TRABD2B: variants seen among roughly 807,000 people sequenced by gnomAD.
The protein encoded by TRABD2B is metalloprotease TIKI2.
In TRABD2B, 14 loss-of-function variants were observed where a neutral mutation model predicts 40.1. The observed-to-expected ratio is 0.35, with a 90% CI of 0.23 to 0.55. The LOEUF is 0.55. TRABD2B is among the 20% of genes least tolerant of loss of function. TRABD2B has a pLI of 0.90. For missense variants in TRABD2B, 541 were observed against 648.6 expected (o/e 0.83, Z 1.80); for synonymous variants, 263 against 277.0 (o/e 0.95, Z 0.50).
At chr1:47,946,962 A>G (rs1158861560) in intron 2 of TRABD2B, among the ~76,000 whole-genome samples, 2 of 151,946 alleles carry the variant, frequency 1.3e-5, no homozygotes, top group African/African-American at 4.8e-5. Context: ...ATGGAGGTAA[A>G]GAGAAATAAT....
At chr1:47,893,002 C>A (rs1334017406) in intron 2 of TRABD2B, among the ~76,000 whole-genome samples, 2 of 152,108 alleles carry the variant, frequency 1.3e-5, no homozygotes. Flanking sequence ...ATACACATTA[C>A]AGAAGTACAT....
chr1:47,794,434 C>T (rs944606243), intron 4 of TRABD2B, among the ~76,000 whole-genome samples, 152 bp downstream of exon 4: 1 of 152,194 alleles, frequency 6.6e-6, no homozygotes, highest in African/African-American at 2.4e-5. Context: ...AGGAGAACTG[C>T]CTTGGATCTC....
intron 2 of TRABD2B, among the ~76,000 whole-genome samples, chr1:47,993,670 C>A (rs1646045511): frequency 6.6e-6 from 1 of 152,212 alleles, no homozygotes; most frequent in South Asian, 2.1e-4. Context: ...CCTCCAGGGC[C>A]TCAGGAAGGC....
At chr1:47,832,114 C>G (rs550496631) in intron 2 of TRABD2B, among the ~76,000 whole-genome samples, 1 of 152,140 alleles carries the variant, frequency 6.6e-6, no homozygotes, top group South Asian at 2.1e-4. Context: ...GCGCGGATCA[C>G]GAGGTCAGGA....
chr1:47,923,956 AC>A, intron 2 of TRABD2B, among the ~76,000 whole-genome samples: 3 of 138,702 alleles, frequency 2.2e-5, no homozygotes, highest in South Asian at 2.3e-4. Flanking sequence ...ACACACACAC[AC>A]ACACACACAC....
intron 2 of TRABD2B, among the ~76,000 whole-genome samples, chr1:47,812,999 G>A (rs1443170444): frequency 3.3e-5 from 5 of 152,164 alleles, no homozygotes; most frequent in East Asian, 1.9e-4. Context: ...TGGTCTACAC[G>A]GGAGGCGATC....
chr1:47,990,771 TTATATATATATATATATATATATATA>T (rs55649435), intron 2 of TRABD2B, among the ~76,000 whole-genome samples: 721 of 36,580 alleles, frequency 0.02, 33 homozygotes, highest in African/African-American at 0.031. Flanking sequence ...AACGTTGGTT[TTATATATATATATATATATATATATA>T]TATATATATA....
chr1:47,781,376 G>A (rs902009939), intron 4 of TRABD2B, among the ~76,000 whole-genome samples: 12 of 152,170 alleles, frequency 7.9e-5, no homozygotes, highest in Non-Finnish European at 1.3e-4. Context: ...ACTGCTGCGC[G>A]GCTGCTCCAA....
chr1:47,815,901 A>T (rs1166326424), intron 2 of TRABD2B, among the ~76,000 whole-genome samples: 2 of 152,214 alleles, frequency 1.3e-5, no homozygotes, highest in African/African-American at 4.8e-5. Flanking sequence ...CCAGCCATCA[A>T]GAGACCCAAC....
At chr1:47,915,905 G>A (rs1045906846) in intron 2 of TRABD2B, among the ~76,000 whole-genome samples, 8 of 152,216 alleles carry the variant, frequency 5.3e-5, no homozygotes, top group Non-Finnish European at 7.3e-5. Flanking sequence ...CGTAGCCATG[G>A]CTGACAGGTC....
chr1:47,951,535 G>A (rs12064637), intron 2 of TRABD2B, among the ~76,000 whole-genome samples: 22,775 of 152,228 alleles, frequency 0.15, 1,957 homozygotes, highest in East Asian at 0.35. Context: ...ATGTGGGTGA[G>A]TTTGCAGAGG....
In TRABD2B at chr1:47,938,476, G is replaced by C. The variant is rs1056378596; in HGVS notation, c.666+55558C>G. Among the ~76,000 whole-genome samples the C allele has an allele frequency of 3.3e-5, 5 of 152,232 alleles. No individual in the cohort carries two copies. In the East Asian group the frequency reaches 7.7e-4, roughly 23 times the overall value. ...GTGGTGGATAGGGAGGTAGGAAGCA[G>C]TGGTAGAAGGCATCTGCTCCAACCT... On this transcript the variant is annotated intron_variant, in intron 2 of 6. Transcript: ENST00000606738.
At chr1:47,768,603 A>G (rs1644337501) in intron 6 of TRABD2B, among the ~76,000 whole-genome samples, 1 of 152,128 alleles carries the variant, frequency 6.6e-6, no homozygotes, top group Non-Finnish European at 1.5e-5. Flanking sequence ...GGCTTCTCCC[A>G]AACCTTGTAC....
At chr1:47,776,644 A>G (rs1315574309) in intron 5 of TRABD2B, among the ~76,000 whole-genome samples, 1 of 152,084 alleles carries the variant, frequency 6.6e-6, no homozygotes, top group African/African-American at 2.4e-5. Flanking sequence ...TGTTTTAGGG[A>G]CATGTGATCC....
At chr1:47,981,059 A>G (rs2148442358) in intron 2 of TRABD2B, among the ~76,000 whole-genome samples, 1 of 150,974 alleles carries the variant, frequency 6.6e-6, no homozygotes, top group Non-Finnish European at 1.5e-5. Flanking sequence ...CCCAGGCTGG[A>G]GTAGAGTGGC....
rs549160167 is a variant in TRABD2B at position 47,955,799 on chromosome 1, G to A, written c.666+38235C>T. Among the ~76,000 whole-genome samples the A allele has an allele frequency of 5.3e-5, 8 of 152,248 alleles. No individual in the cohort carries two copies. In the East Asian group the frequency reaches 1.5e-3, roughly 29 times the overall value. On this transcript the variant is annotated intron_variant, in intron 2 of 6. Transcript: ENST00000606738. ...GGTCACTGCTGACTGTGCTCATGTG[G>A]TCCTTGGGCCAAGCCTGCCAGGCCA...
chr1:47,905,625 A>C (rs896981841), intron 2 of TRABD2B, among the ~76,000 whole-genome samples: 3 of 151,338 alleles, frequency 2.0e-5, no homozygotes, highest in African/African-American at 7.3e-5. Flanking sequence ...CAATTCTTCC[A>C]CTCTGCTGCT....
At chr1:47,881,964 T>C (rs976056779) in intron 2 of TRABD2B, among the ~76,000 whole-genome samples, 1 of 152,228 alleles carries the variant, frequency 6.6e-6, no homozygotes, top group Non-Finnish European at 1.5e-5. Context: ...CAGAGCCACA[T>C]CTGGCTCTGA....
chr1:47,791,285 G>C (rs529822666), intron 4 of TRABD2B, among the ~76,000 whole-genome samples: 3 of 152,190 alleles, frequency 2.0e-5, no homozygotes, highest in Non-Finnish European at 4.4e-5. Flanking sequence ...ACTGAGGCTG[G>C]GCCTGTCGTG....
Sources: gnomAD v4.1 joint callset for allele counts (sites outside exome capture counted in the v4.1 genomes callset) on GRCh38, gnomAD v4.1.1 for gene constraint, MANE v1.5 for transcripts, NCBI Gene and HGNC (gene_info 2026-07-23, HGNC 2026-07-21) for gene names.